RAD51B: variants seen among roughly 807,000 people sequenced by gnomAD.
The protein encoded by RAD51B is DNA repair protein RAD51 homolog 2.
Under a neutral mutation model 42.2 loss-of-function variants are expected in RAD51B, and 38 were observed. The observed-to-expected ratio is 0.90, with a 90% CI of 0.70 to 1.18. The LOEUF (loss-of-function observed/expected upper bound fraction) is 1.18. RAD51B is among the 50% of genes most tolerant of loss of function. RAD51B has a pLI of 0.00. For synonymous variants in RAD51B, 154 were observed against 145.2 expected (o/e 1.06, Z -0.43); for missense variants, 373 against 400.7 (o/e 0.93, Z 0.59).
intron 7 of RAD51B, among the ~76,000 whole-genome samples, chr14:67,977,481 C>G (rs1477163742): frequency 2.0e-5 from 3 of 152,224 alleles, no homozygotes; most frequent in Non-Finnish European, 2.9e-5. Context: ...GCAAAACTTT[C>G]AGTGTTGCCT....
At chr14:68,321,346 C>G (rs1003813564) in intron 8 of RAD51B, among the ~76,000 whole-genome samples, 1 of 152,184 alleles carries the variant, frequency 6.6e-6, no homozygotes, top group African/African-American at 2.4e-5. Context: ...TCTAACCCAC[C>G]TTCCCACTTA....
chr14:68,455,877 T>C (rs1168811988), intron 9 of RAD51B, among the ~76,000 whole-genome samples: 1 of 152,166 alleles, frequency 6.6e-6, no homozygotes, highest in African/African-American at 2.4e-5. Context: ...TATAAAACTG[T>C]GTAGATGGGC....
chr14:68,569,838 G>T (rs1215445987), intron 10 of RAD51B, among the ~76,000 whole-genome samples: 2 of 152,176 alleles, frequency 1.3e-5, no homozygotes, highest in Admixed American at 1.3e-4. Context: ...CCAACCCAGG[G>T]GCTGAGGGAA....
chr14:68,189,101 G>T (rs1352187555), intron 7 of RAD51B, among the ~76,000 whole-genome samples: 1 of 151,632 alleles, frequency 6.6e-6, no homozygotes, highest in South Asian at 2.1e-4. Flanking sequence ...ATTTATTGCT[G>T]CATATGTATT....
At chr14:68,456,526 C>T (rs2085690804) in intron 9 of RAD51B, among the ~76,000 whole-genome samples, 1 of 152,156 alleles carries the variant, frequency 6.6e-6, no homozygotes, top group Non-Finnish European at 1.5e-5. Flanking sequence ...ATTGCTCCAT[C>T]AGGAAGACAT....
chr14:68,506,700 C>T (rs965743545), intron 10 of RAD51B, among the ~76,000 whole-genome samples: 6 of 152,060 alleles, frequency 3.9e-5, no homozygotes, highest in African/African-American at 1.2e-4. Context: ...CATTGAAAGG[C>T]GGGTGGGGGG....
intron 10 of RAD51B, among the ~76,000 whole-genome samples, chr14:68,537,362 G>A (rs1475564091): frequency 6.6e-6 from 1 of 152,016 alleles, no homozygotes; most frequent in African/African-American, 2.4e-5. Context: ...AGCTGGTCGT[G>A]GTGGCGGGCG....
chr14:67,824,596 T>A (rs2040746646), intron 2 of RAD51B, among the ~76,000 whole-genome samples: 1 of 152,176 alleles, frequency 6.6e-6, no homozygotes, highest in African/African-American at 2.4e-5. Flanking sequence ...CAGAGCATTC[T>A]GCAATTTTTT....
intron 3 of RAD51B, among the ~76,000 whole-genome samples, chr14:67,834,548 T>G (rs1425580163): frequency 6.6e-6 from 1 of 152,130 alleles, no homozygotes; most frequent in African/African-American, 2.4e-5. Context: ...CTAGCCTCAT[T>G]GCTTGCTGTG....
intron 9 of RAD51B, among the ~76,000 whole-genome samples, chr14:68,454,077 A>G (rs771061934): frequency 2.6e-4 from 40 of 152,236 alleles, no homozygotes; most frequent in Non-Finnish European, 2.9e-4. Flanking sequence ...TGACAGATTC[A>G]ATTAAAGAGC....
chr14:68,439,120 G>A (rs1015397670), intron 9 of RAD51B, among the ~76,000 whole-genome samples: 1 of 151,658 alleles, frequency 6.6e-6, no homozygotes, highest in Non-Finnish European at 1.5e-5. Flanking sequence ...GAGGGATGAA[G>A]GGCAGAAGTA....
intron 7 of RAD51B, among the ~76,000 whole-genome samples, chr14:67,976,231 C>G (rs1265454324): frequency 2.0e-5 from 3 of 151,894 alleles, no homozygotes; most frequent in Admixed American, 6.6e-5. Context: ...ATCTTCGTGC[C>G]TCAGCCTCCT....
intron 4 of RAD51B, among the ~76,000 whole-genome samples, chr14:67,840,185 A>T (rs1461780199): frequency 6.6e-6 from 1 of 152,162 alleles, no homozygotes; most frequent in Non-Finnish European, 1.5e-5. Context: ...ACATTGGTAT[A>T]TTGCGTGATG....
At chr14:68,540,657 G>GAA in intron 10 of RAD51B, 1 of 985,364 alleles carries the variant, frequency 1.0e-6, no homozygotes, top group Non-Finnish European at 1.2e-6. Flanking sequence ...AACAATTAGA[G>GAA]AAACACACAA....
intron 7 of RAD51B, among the ~76,000 whole-genome samples, chr14:68,064,687 T>C (rs1261315590): frequency 6.6e-6 from 1 of 152,088 alleles, no homozygotes; most frequent in Admixed American, 6.5e-5. Context: ...TATTCTTTTG[T>C]CTGAGTTATT....
At chr14:68,250,773 G>GA (rs2080611809) in intron 7 of RAD51B, among the ~76,000 whole-genome samples, 1 of 152,082 alleles carries the variant, frequency 6.6e-6, no homozygotes, top group African/African-American at 2.4e-5. Context: ...TCTAACAGAA[G>GA]AAAAAAGGAG....
At chr14:68,480,931 C>A (rs1883129371), downstream of RAD51B, among the ~76,000 whole-genome samples, 1 of 152,114 alleles carries the variant, frequency 6.6e-6, no homozygotes, top group Admixed American at 6.5e-5. Flanking sequence ...CCAAGTATTG[C>A]CAGCTCTTGG....
At chr14:68,280,667 A>G (rs1297466933) in intron 7 of RAD51B, among the ~76,000 whole-genome samples, 1 of 152,236 alleles carries the variant, frequency 6.6e-6, no homozygotes, top group African/African-American at 2.4e-5. Flanking sequence ...GTAGAAACAC[A>G]TAAAATCTCA....
intron 8 of RAD51B, among the ~76,000 whole-genome samples, chr14:68,331,630 C>A (rs1443829814): frequency 3.3e-5 from 5 of 152,070 alleles, no homozygotes; most frequent in Non-Finnish European, 7.4e-5. Context: ...TCCTGGGCCA[C>A]ATCGCTGAGA....
Sources: gnomAD v4.1 joint callset for allele counts (sites outside exome capture counted in the v4.1 genomes callset) on GRCh38, gnomAD v4.1.1 for gene constraint, MANE v1.5 for transcripts, NCBI Gene and HGNC (gene_info 2026-07-23, HGNC 2026-07-21) for gene names.